TAF3: variants seen among roughly 807,000 people sequenced by gnomAD.
The protein encoded by TAF3 is TATA-box binding protein associated factor 3, also known as transcription initiation factor TFIID subunit 3.
Under a neutral mutation model 80.6 loss-of-function variants are expected in TAF3, and 7 were observed. The observed-to-expected ratio is 0.09, with a 90% CI of 0.05 to 0.16. The LOEUF is 0.16. Among genes scored for constraint, TAF3 ranks in the 10% least tolerant of loss-of-function variants. The pLI is 1.00. For missense variants in TAF3, 921 were observed against 1,140.2 expected, an observed-to-expected ratio of 0.81 and a Z score of 2.77; for synonymous variants, 444 against 446.1, an observed-to-expected ratio of 1.00 and a Z score of 0.06.
chr10:7,990,920 C>T (rs1039339772), intron 4 of TAF3, among the ~76,000 whole-genome samples: 2 of 152,186 alleles, frequency 1.3e-5, no homozygotes, highest in African/African-American at 4.8e-5. Context: ...CTTCTCGAGC[C>T]CCTCTCCGTA....
At chr10:7,940,595 AT>A (rs1837966784) in intron 2 of TAF3, among the ~76,000 whole-genome samples, 2 of 152,338 alleles carry the variant, frequency 1.3e-5, no homozygotes, top group South Asian at 4.1e-4. Flanking sequence ...GAGCAGTTTT[AT>A]GAAGGGAATT....
chr10:7,992,563 T>C (rs78726055), intron 4 of TAF3, among the ~76,000 whole-genome samples: 1 of 148,886 alleles, frequency 6.7e-6, no homozygotes, highest in Non-Finnish European at 1.5e-5. Context: ...TAGAGCCCTT[T>C]AGAGTGAGTA....
chr10:7,978,082 A>G (rs868005201), intron 4 of TAF3, among the ~76,000 whole-genome samples: 1 of 152,192 alleles, frequency 6.6e-6, no homozygotes, highest in South Asian at 2.1e-4. Flanking sequence ...AAAGCATATT[A>G]TGCATCATTT....
chr10:7,920,299 C>CGTGT (rs60287426), intron 2 of TAF3, among the ~76,000 whole-genome samples: 2,732 of 101,322 alleles, frequency 0.027, 27 homozygotes, highest in East Asian at 0.043. Flanking sequence ...TTTAAACATA[C>CGTGT]GTGTGTGTGT....
At chr10:7,926,455 A>G (rs1384448157) in intron 2 of TAF3, among the ~76,000 whole-genome samples, 2 of 152,236 alleles carry the variant, frequency 1.3e-5, no homozygotes, top group Non-Finnish European at 2.9e-5. Flanking sequence ...TACCAGGTCC[A>G]TATAGTATAA....
chr10:7,955,616 G>A (rs1179717030), intron 2 of TAF3, among the ~76,000 whole-genome samples: 1 of 152,140 alleles, frequency 6.6e-6, no homozygotes, highest in African/African-American at 2.4e-5. Flanking sequence ...TAATGTCTAT[G>A]AACTTTTTAG....
At chr10:7,978,291 C>T (rs1407148584) in intron 4 of TAF3, among the ~76,000 whole-genome samples, 1 of 152,096 alleles carries the variant, frequency 6.6e-6, no homozygotes, top group Non-Finnish European at 1.5e-5. Flanking sequence ...GCTTTGTATT[C>T]TCAGTGGTTC....
At chr10:8,012,663 G>C (rs1832066279) in intron 5 of TAF3, among the ~76,000 whole-genome samples, 1 of 152,222 alleles carries the variant, frequency 6.6e-6, no homozygotes, top group African/African-American at 2.4e-5. Context: ...CGGAGGGTCA[G>C]AGATGTAGTT....
chr10:7,978,918 G>A (rs1477819564), intron 4 of TAF3, among the ~76,000 whole-genome samples: 1 of 152,248 alleles, frequency 6.6e-6, no homozygotes, highest in Admixed American at 6.5e-5. Context: ...GGCCATGCCT[G>A]TAGTCCCAGT....
At chr10:7,959,419 A>C (rs1838168579) in intron 2 of TAF3, among the ~76,000 whole-genome samples, 1 of 152,238 alleles carries the variant, frequency 6.6e-6, no homozygotes, top group Non-Finnish European at 1.5e-5. Flanking sequence ...AACATAAAGG[A>C]ATGAATACAA....
intron 3 of TAF3, among the ~76,000 whole-genome samples, chr10:7,970,797 C>T (rs538584943): frequency 1.1e-3 from 164 of 152,244 alleles, no homozygotes; most frequent in Non-Finnish European, 1.6e-3. Context: ...TAAATTTAAA[C>T]GGTTTGTTCT....
At chr10:7,905,645 G>A (rs1475487962) in intron 2 of TAF3, among the ~76,000 whole-genome samples, 1 of 152,174 alleles carries the variant, frequency 6.6e-6, no homozygotes, top group Non-Finnish European at 1.5e-5. Context: ...ACTGTGGAAA[G>A]CTGAGGCGGG....
chr10:7,850,761 A>G (rs936000744), intron 2 of TAF3, among the ~76,000 whole-genome samples: 1 of 152,074 alleles, frequency 6.6e-6, no homozygotes, highest in Admixed American at 6.6e-5. Flanking sequence ...CTCACAATAC[A>G]TATTCTAATA....
chr10:7,971,144 C>T (rs1038509284), intron 3 of TAF3, among the ~76,000 whole-genome samples: 1 of 152,212 alleles, frequency 6.6e-6, no homozygotes, highest in East Asian at 1.9e-4. Context: ...TCTGTCTCAG[C>T]TGTCTACATG....
Position 7,818,591 on chromosome 10 carries a change from CG to C in TAF3, c.-114del. The C allele has an allele frequency of 5.9e-6, 7 of 1,194,262 alleles. No individual in the cohort carries two copies. The highest frequency in any genetic ancestry group is 6.7e-6 in the Non-Finnish European group (6 of 898,372). The allele number at this position is 1,194,262 out of a possible 1,614,324, so 74.0% of individuals were successfully genotyped here. A position where few individuals can be genotyped will look rare whatever the true frequency, so the allele number is the denominator to read the frequency against. On this transcript the variant is annotated 5_prime_UTR_variant, in exon 1 of 7. Transcript: ENST00000344293. ...GGCTTTGAGGTGGTCGCCGGGGGTC[CG>C]GGGGACCCTTTCCCCGCCGCGGAAG...
chr10:7,935,095 G>A (rs1203902715), intron 2 of TAF3, among the ~76,000 whole-genome samples: 1 of 152,038 alleles, frequency 6.6e-6, no homozygotes, highest in African/African-American at 2.4e-5. Flanking sequence ...TGGCCAACAT[G>A]GTGAAACCGC....
At chr10:7,848,260 T>C (rs1836992063) in intron 2 of TAF3, among the ~76,000 whole-genome samples, 1 of 152,228 alleles carries the variant, frequency 6.6e-6, no homozygotes, top group Non-Finnish European at 1.5e-5. Context: ...ATTTTAACAC[T>C]TCTCTAGTGT....
intron 2 of TAF3, among the ~76,000 whole-genome samples, chr10:7,911,858 CT>C (rs1474714562): frequency 6.6e-6 from 1 of 152,052 alleles, no homozygotes; most frequent in African/African-American, 2.4e-5. Context: ...TTCTCTTTTC[CT>C]TTTTCAGGAC....
intron 3 of TAF3, among the ~76,000 whole-genome samples, chr10:7,969,133 C>T: frequency 7.5e-6 from 1 of 133,414 alleles, no homozygotes; most frequent in Admixed American, 8.7e-5. Flanking sequence ...GTGAGACTGT[C>T]TCTCCAAAAC....
Sources: allele counts gnomAD v4.1 joint callset (sites outside exome capture counted in the v4.1 genomes callset), GRCh38; gene constraint gnomAD v4.1.1; transcripts MANE v1.5; gene names NCBI Gene and HGNC (gene_info 2026-07-23, HGNC 2026-07-21).